Variants in ATP2B4 observed in about 807,000 individuals in gnomAD.
ATP2B4 encodes the protein ATPase plasma membrane Ca2+ transporting 4.
A neutral mutation model predicts 110.3 loss-of-function variants in ATP2B4; 39 were observed. The ratio of observed to expected loss-of-function variants is 0.35; its 90% CI spans 0.27 to 0.46. The LOEUF (loss-of-function observed/expected upper bound fraction) is 0.46. Among genes scored for constraint, ATP2B4 ranks in the 20% least tolerant of loss-of-function variants. The pLI, the probability that ATP2B4 is intolerant of heterozygous loss-of-function variation, is 1.00. For synonymous variants in ATP2B4, 538 were observed against 571.7 expected (o/e 0.94, Z 0.84); for missense variants, 1,135 against 1,530.9 (o/e 0.74, Z 4.32).
chr1:203,724,352 C>G (rs1405394457), intron 19 of ATP2B4, among the ~76,000 whole-genome samples: 2 of 152,092 alleles, frequency 1.3e-5, no homozygotes, highest in East Asian at 3.9e-4. Context: ...CCCGTCTCTA[C>G]TAAAAATACA....
At chr1:203,710,853 C>T (rs1160546132) in intron 11 of ATP2B4, 24 bp from the exon 12 acceptor site, 5 of 1,544,734 alleles carry the variant, frequency 3.2e-6, no homozygotes, top group Non-Finnish European at 4.5e-6. Flanking sequence ...GGAGACACCG[C>T]GTTCTTACTG....
At chr1:203,635,601 G>A (rs542233401) in intron 1 of ATP2B4, among the ~76,000 whole-genome samples, 3 of 152,180 alleles carry the variant, frequency 2.0e-5, no homozygotes, top group South Asian at 2.1e-4. Context: ...GCAGTGAGCC[G>A]TGATCATGAA....
chr1:203,694,222 A>G (rs1390895674), intron 2 of ATP2B4, among the ~76,000 whole-genome samples: 1 of 152,216 alleles, frequency 6.6e-6, no homozygotes, highest in Non-Finnish European at 1.5e-5. Context: ...GTGTGTGTAC[A>G]ATGTGCTGGG....
chr1:203,704,549 C>T (rs144447512), intron 8 of ATP2B4, among the ~76,000 whole-genome samples: 119 of 133,076 alleles, frequency 8.9e-4, no homozygotes, highest in African/African-American at 3.3e-3. Flanking sequence ...GGCACCATCT[C>T]AGCTCACTGC....
intron 2 of ATP2B4, among the ~76,000 whole-genome samples, chr1:203,686,947 G>A (rs868719286): frequency 2.7e-5 from 4 of 149,548 alleles, no homozygotes; most frequent in African/African-American, 7.4e-5. Flanking sequence ...CATCCACCTC[G>A]GCCTACCAAA....
chr1:203,702,159 C>T, intron 7 of ATP2B4, 80 bp downstream of exon 7: 6 of 1,536,678 alleles, frequency 3.9e-6, no homozygotes, highest in Non-Finnish European at 5.4e-6. Context: ...TTCCTTCTCC[C>T]TTTTCCTCTC....
At chr1:203,680,801 C>T (rs1315019493) in intron 1 of ATP2B4, among the ~76,000 whole-genome samples, 1 of 152,134 alleles carries the variant, frequency 6.6e-6, no homozygotes, top group South Asian at 2.1e-4. Flanking sequence ...GGAACTGAGT[C>T]CTGAGAAGGC....
At position 203,682,379 on chromosome 1, in the gene ATP2B4, G is replaced by T. The variant is rs137867793; in HGVS notation, c.-464-363G>T. Reference sequence around the variant, plus strand: ...AGATAAGGTCAGACTAAAGGATCCTGTCACAGGTCCCTCAAATAGACAGGG... The same window carrying T: ...AGATAAGGTCAGACTAAAGGATCCTTTCACAGGTCCCTCAAATAGACAGGG... On this transcript the variant is annotated intron_variant, in intron 1 of 20. Coordinates refer to ENST00000357681, the MANE Select transcript of ATP2B4 (RefSeq NM_001684.5). Among the ~76,000 whole-genome samples the T allele has an allele frequency of 9.2e-5, 14 of 152,292 alleles. No individual in the cohort carries two copies. The East Asian group carries it at 2.7e-3, about 29-fold the overall frequency.
intron 20 of ATP2B4, among the ~76,000 whole-genome samples, chr1:203,730,879 G>A (rs1215184147): frequency 6.6e-6 from 1 of 152,178 alleles, no homozygotes; most frequent in African/African-American, 2.4e-5. Context: ...AAGCTGATGA[G>A]GCTAATGATG....
chr1:203,721,732 G>A (rs1250625961), intron 17 of ATP2B4, among the ~76,000 whole-genome samples: 2 of 148,778 alleles, frequency 1.3e-5, no homozygotes, highest in Non-Finnish European at 3.0e-5. Flanking sequence ...GCGCTAACTC[G>A]GGTCACTGCA....
At chr1:203,665,506 G>T (rs572034352) in intron 1 of ATP2B4, among the ~76,000 whole-genome samples, 2 of 152,242 alleles carry the variant, frequency 1.3e-5, no homozygotes, top group East Asian at 3.9e-4. Context: ...TTCCTGTCAA[G>T]ATTGTGTAGC....
intron 1 of ATP2B4, among the ~76,000 whole-genome samples, chr1:203,635,223 C>CT (rs1311322613): frequency 6.6e-6 from 1 of 152,106 alleles, no homozygotes; most frequent in Non-Finnish European, 1.5e-5. Flanking sequence ...ATCCACCCTC[C>CT]TCAGCCTCCC....
chr1:203,713,066 AC>A, intron 13 of ATP2B4, 98 bp from the exon 14 acceptor site: 1 of 1,265,966 alleles, frequency 7.9e-7, no homozygotes, highest in Non-Finnish European at 1.1e-6. Context: ...ACTGTGGTGT[AC>A]CCAATCTCCC....
chr1:203,634,738 A>C (rs926424636), intron 1 of ATP2B4, among the ~76,000 whole-genome samples: 2 of 151,928 alleles, frequency 1.3e-5, no homozygotes, highest in African/African-American at 4.8e-5. Flanking sequence ...ATCACAACTC[A>C]CAGCAGCCTT....
At chr1:203,669,718 T>C (rs1292612003) in intron 1 of ATP2B4, among the ~76,000 whole-genome samples, 1 of 152,212 alleles carries the variant, frequency 6.6e-6, no homozygotes, top group Non-Finnish European at 1.5e-5. Flanking sequence ...ATTACAGGCG[T>C]GAGCCACCGT....
At chr1:203,664,588 G>C (rs933273956) in intron 1 of ATP2B4, among the ~76,000 whole-genome samples, 19 of 152,158 alleles carry the variant, frequency 1.2e-4, no homozygotes, top group African/African-American at 4.6e-4. Context: ...AGAGGCACTG[G>C]TGCTACTTGG....
intron 1 of ATP2B4, among the ~76,000 whole-genome samples, chr1:203,682,470 G>A (rs939849150): frequency 2.6e-5 from 4 of 152,290 alleles, no homozygotes; most frequent in East Asian, 1.9e-4. Flanking sequence ...TGGGTTTTAT[G>A]TTGCTTGGTT....
At chr1:203,696,127 G>A (rs149832357) in intron 2 of ATP2B4, among the ~76,000 whole-genome samples, 1,748 of 151,986 alleles carry the variant, frequency 0.012, 30 homozygotes, top group African/African-American at 0.038. Context: ...AGGTTTCACC[G>A]TGTTGGCCAG....
intron 1 of ATP2B4, among the ~76,000 whole-genome samples, chr1:203,637,608 T>C (rs1663496923): frequency 6.6e-6 from 1 of 152,152 alleles, no homozygotes; most frequent in African/African-American, 2.4e-5. Context: ...GGATTAGAAA[T>C]TCAGGCAAAG....
Sources: gnomAD v4.1 joint callset for allele counts (sites outside exome capture counted in the v4.1 genomes callset) on GRCh38, gnomAD v4.1.1 for gene constraint, MANE v1.5 for transcripts, NCBI Gene and HGNC (gene_info 2026-07-23, HGNC 2026-07-21) for gene names.